RP1: variants seen among roughly 807,000 people sequenced by gnomAD.
RP1 encodes RP1 axonemal microtubule associated.
RP1 carries 16 observed loss-of-function variants against 14.8 expected under a neutral mutation model. That is an observed-to-expected ratio of 1.08 (90% CI 0.73 to 1.65). The LOEUF is 1.65. Among genes scored for constraint, RP1 ranks in the 40% most tolerant of loss-of-function variants. The probability of loss-of-function intolerance (pLI) is 0.00; values close to 1 mark genes in which losing one functional copy is unlikely to be tolerated. For synonymous variants in RP1, 876 were observed against 883.6 expected (o/e 0.99, Z 0.15); for missense variants, 2,631 against 2,535.0 (o/e 1.04, Z -0.81).
chr8:54,791,605 G>T (rs975452023), intron 24 of RP1, among the ~76,000 whole-genome samples: 2 of 151,972 alleles, frequency 1.3e-5, no homozygotes, highest in Non-Finnish European at 2.9e-5. Flanking sequence ...AGTTAAAAGT[G>T]TCATTTTATA....
At chr8:54,786,416 A>G (rs1267717461) in intron 24 of RP1, among the ~76,000 whole-genome samples, 1 of 151,986 alleles carries the variant, frequency 6.6e-6, no homozygotes, top group Non-Finnish European at 1.5e-5. Context: ...TTTGGCTTTC[A>G]AAAATTTTAC....
intron 24 of RP1, among the ~76,000 whole-genome samples, chr8:54,827,290 C>T (rs1811404957): frequency 6.6e-6 from 1 of 151,878 alleles, no homozygotes; most frequent in Non-Finnish European, 1.5e-5. Flanking sequence ...GAAACACAAA[C>T]ACATTGTACA....
chr8:54,669,905 C>T (rs1430733976), intron 7 of RP1, among the ~76,000 whole-genome samples: 1 of 152,038 alleles, frequency 6.6e-6, no homozygotes, highest in African/African-American at 2.4e-5. Context: ...GGAGGGATAG[C>T]ATTAGGAGAA....
intron 1 of RP1, among the ~76,000 whole-genome samples, chr8:54,601,479 G>A (rs1399330016): frequency 1.3e-5 from 2 of 150,970 alleles, no homozygotes; most frequent in Non-Finnish European, 2.9e-5. Context: ...GCTAGATGAC[G>A]AGTTAGTGGG....
chr8:54,577,028 T>C (rs1273874898), intron 1 of RP1, among the ~76,000 whole-genome samples: 1 of 152,094 alleles, frequency 6.6e-6, no homozygotes, highest in Admixed American at 6.6e-5. Context: ...TTAATTTTCT[T>C]TTTTTTTGAG....
intron 18 of RP1, among the ~76,000 whole-genome samples, chr8:54,736,719 A>T (rs920919118): frequency 6.6e-6 from 1 of 151,958 alleles, no homozygotes; most frequent in African/African-American, 2.4e-5. Context: ...AGGAGTGTAG[A>T]GTCTTGTGGA....
intron 15 of RP1, among the ~76,000 whole-genome samples, chr8:54,706,879 A>C (rs756719829): frequency 6.6e-6 from 1 of 152,138 alleles, no homozygotes; most frequent in Non-Finnish European, 1.5e-5. Context: ...TGTATGTACA[A>C]ATCACCTGGG....
intron 27 of RP1, among the ~76,000 whole-genome samples, chr8:54,862,754 GC>G (rs1193222101): frequency 6.6e-6 from 1 of 152,038 alleles, no homozygotes; most frequent in African/African-American, 2.4e-5. Flanking sequence ...GAAGATGGCA[GC>G]TGCGCATATG....
At chr8:54,656,001 G>C in intron 5 of RP1, 1 of 908,794 alleles carries the variant, frequency 1.1e-6, no homozygotes, top group South Asian at 2.0e-5. Context: ...TCTGAGCTAA[G>C]TGGCAGTCTT....
intron 17 of RP1, among the ~76,000 whole-genome samples, chr8:54,732,021 C>T (rs1448756182): frequency 6.6e-6 from 1 of 152,192 alleles, no homozygotes; most frequent in African/African-American, 2.4e-5. Flanking sequence ...GATTTGCCAA[C>T]TCCCTTCCAG....
chr8:54,654,601 A>G (rs1250742876), intron 5 of RP1, among the ~76,000 whole-genome samples: 1 of 152,208 alleles, frequency 6.6e-6, no homozygotes, highest in East Asian at 1.9e-4. Flanking sequence ...GAATTCCTGA[A>G]CCTGTCTGAG....
chr8:54,834,330 G>A (rs1291477791), intron 24 of RP1, among the ~76,000 whole-genome samples: 1 of 152,048 alleles, frequency 6.6e-6, no homozygotes, highest in African/African-American at 2.4e-5. Context: ...ATGATATTCT[G>A]TGCAGGGAAA....
intron 21 of RP1, among the ~76,000 whole-genome samples, chr8:54,756,473 G>A (rs572634191): frequency 5.8e-4 from 89 of 152,210 alleles, no homozygotes; most frequent in African/African-American, 2.1e-3. Flanking sequence ...TTGAAACATT[G>A]GATATCTTAA....
upstream of RP1, among the ~76,000 whole-genome samples, chr8:54,612,064 A>G (rs1805611116): frequency 6.6e-6 from 1 of 152,176 alleles, no homozygotes; most frequent in South Asian, 2.1e-4. Flanking sequence ...ACTCCCCGGT[A>G]TAATGCGGTT....
chr8:54,735,985 T>G (rs1178061664), intron 18 of RP1, among the ~76,000 whole-genome samples: 1 of 152,200 alleles, frequency 6.6e-6, no homozygotes, highest in Non-Finnish European at 1.5e-5. Flanking sequence ...TAAAAACTAC[T>G]GATGCCTGAT....
intron 12 of RP1, among the ~76,000 whole-genome samples, chr8:54,687,267 T>C (rs1807587220): frequency 6.6e-6 from 1 of 152,106 alleles, no homozygotes; most frequent in Non-Finnish European, 1.5e-5. Flanking sequence ...GCCCTAGTAG[T>C]CACAGGCAGA....
intron 25 of RP1, among the ~76,000 whole-genome samples, chr8:54,840,344 C>T (rs1427414117): frequency 6.6e-6 from 1 of 151,758 alleles, no homozygotes. Context: ...CATCTGCCTC[C>T]TAGGTTCAAG....
intron 18 of RP1, among the ~76,000 whole-genome samples, chr8:54,737,314 A>T (rs1808957725): frequency 6.6e-6 from 1 of 152,202 alleles, no homozygotes; most frequent in Non-Finnish European, 1.5e-5. Context: ...AGTGGCAGTT[A>T]GTTCTGCTCT....
chr8:54,622,093 G>A (rs1470192394), intron 2 of RP1, 24 bp from the exon 3 acceptor site: 1 of 1,613,536 alleles, frequency 6.2e-7, no homozygotes, highest in Admixed American at 1.7e-5. Flanking sequence ...CTCATCTCAG[G>A]ATAATGACTC....
Sources: allele counts gnomAD v4.1 joint callset (sites outside exome capture counted in the v4.1 genomes callset), GRCh38; gene constraint gnomAD v4.1.1; transcripts MANE v1.5; gene names NCBI Gene and HGNC (gene_info 2026-07-23, HGNC 2026-07-21).